The following SPOCK3 variants were observed in gnomAD, a reference collection of about 807,000 sequenced individuals.
SPOCK3 encodes SPARC (osteonectin), cwcv and kazal like domains proteoglycan 3.
A neutral mutation model predicts 56.6 loss-of-function variants in SPOCK3; 30 were observed. That is an observed-to-expected ratio of 0.53 (90% CI 0.40 to 0.72). SPOCK3 has a LOEUF of 0.72. Among genes scored for constraint, SPOCK3 ranks in the 30% least tolerant of loss-of-function variants. SPOCK3 has a pLI of 0.00. For synonymous variants in SPOCK3, 196 were observed against 183.3 expected (o/e 1.07, Z -0.56); for missense variants, 527 against 530.0 (o/e 0.99, Z 0.06).
In SPOCK3 at chr4:166,974,219, T is replaced by A. The variant is rs547419624; in HGVS notation, c.350+26130A>T. 4.6e-5 allele frequency among the ~76,000 whole-genome samples: 7 copies of A among 152,264 alleles called. No homozygotes were observed. In the East Asian group the frequency reaches 9.7e-4, roughly 21 times the overall value. ...TGAATAGCATATTATTTTTACCTCA[T>A]CATGCAAAATCCTCTGACAGTAATA... is the stretch of plus-strand genomic sequence containing the variant. On this transcript the variant is annotated intron_variant, in intron 4 of 10. Coordinates refer to ENST00000357545, the MANE Select transcript of SPOCK3 (RefSeq NM_001040159.2).
intron 2 of SPOCK3, among the ~76,000 whole-genome samples, chr4:167,166,349 G>C (rs1230176342): frequency 6.6e-6 from 1 of 151,988 alleles, no homozygotes; most frequent in Non-Finnish European, 1.5e-5. Flanking sequence ...CTTTTCAACT[G>C]TACCTCAAGG....
At chr4:166,791,449 T>A (rs1045903231) in intron 7 of SPOCK3, among the ~76,000 whole-genome samples, 2 of 152,176 alleles carry the variant, frequency 1.3e-5, no homozygotes, top group Non-Finnish European at 2.9e-5. Context: ...CCTTTTCTTG[T>A]GTTTTGGAGC....
intron 2 of SPOCK3, among the ~76,000 whole-genome samples, chr4:167,107,412 A>G (rs995355947): frequency 2.6e-5 from 4 of 151,934 alleles, no homozygotes; most frequent in Non-Finnish European, 5.9e-5. Flanking sequence ...GATCATTTCA[A>G]TTGTTGCCAA....
At chr4:166,991,587 C>G (rs1320165829) in intron 4 of SPOCK3, among the ~76,000 whole-genome samples, 1 of 151,982 alleles carries the variant, frequency 6.6e-6, no homozygotes, top group East Asian at 1.9e-4. Context: ...CCAGGCTCAT[C>G]TCACACTCAT....
intron 2 of SPOCK3, among the ~76,000 whole-genome samples, chr4:167,072,221 C>T (rs116117543): frequency 0.012 from 1,847 of 152,156 alleles, 21 homozygotes; most frequent in Non-Finnish European, 0.018. Flanking sequence ...AGAAGTATAG[C>T]CCCAAAGCCT....
intron 9 of SPOCK3, among the ~76,000 whole-genome samples, chr4:166,738,321 C>T (rs959929675): frequency 6.6e-6 from 1 of 151,862 alleles, no homozygotes; most frequent in African/African-American, 2.4e-5. Flanking sequence ...TATTTAGGTT[C>T]TCTTCATTTT....
intron 2 of SPOCK3, among the ~76,000 whole-genome samples, chr4:167,165,083 A>G (rs2150450444): frequency 6.6e-6 from 1 of 152,266 alleles, no homozygotes; most frequent in Non-Finnish European, 1.5e-5. Flanking sequence ...ATATTTCTCC[A>G]CAAATTCGCC....
At chr4:166,781,902 C>T (rs1252264961) in intron 7 of SPOCK3, among the ~76,000 whole-genome samples, 1 of 152,026 alleles carries the variant, frequency 6.6e-6, no homozygotes, top group African/African-American at 2.4e-5. Context: ...ACACAAAGCT[C>T]TCAACCCAGT....
chr4:166,921,563 G>A (rs944856716), intron 4 of SPOCK3, among the ~76,000 whole-genome samples: 4 of 152,072 alleles, frequency 2.6e-5, no homozygotes, highest in Non-Finnish European at 4.4e-5. Flanking sequence ...TGATCCGCCC[G>A]CCTTGGCCTC....
intron 2 of SPOCK3, among the ~76,000 whole-genome samples, chr4:167,178,842 G>C (rs1233926615): frequency 6.6e-6 from 1 of 151,700 alleles, no homozygotes; most frequent in Non-Finnish European, 1.5e-5. Context: ...TAAAATACAT[G>C]GTATTATAAA....
chr4:167,146,999 T>C (rs936624863), intron 2 of SPOCK3, among the ~76,000 whole-genome samples: 2 of 151,848 alleles, frequency 1.3e-5, no homozygotes, highest in Non-Finnish European at 2.9e-5. Context: ...GAAAAACCCT[T>C]CAAAAAATCA....
intron 6 of SPOCK3, among the ~76,000 whole-genome samples, chr4:166,818,806 C>T (rs1262520363): frequency 6.6e-6 from 1 of 151,994 alleles, no homozygotes; most frequent in African/African-American, 2.4e-5. Context: ...AGATAAGACT[C>T]TTAAAATGCT....
At chr4:166,895,202 A>T (rs1735243415) in intron 5 of SPOCK3, among the ~76,000 whole-genome samples, 1 of 152,084 alleles carries the variant, frequency 6.6e-6, no homozygotes, top group Admixed American at 6.6e-5. Flanking sequence ...ATGATTAATA[A>T]AATCATTTTT....
intron 8 of SPOCK3, among the ~76,000 whole-genome samples, chr4:166,748,073 T>C (rs1334752210): frequency 4.6e-5 from 7 of 151,998 alleles, no homozygotes; most frequent in East Asian, 1.9e-4. Context: ...AGGTAATTTA[T>C]AGATTCAATG....
At chr4:167,024,050 C>A (rs1035574207) in intron 3 of SPOCK3, among the ~76,000 whole-genome samples, 1 of 152,022 alleles carries the variant, frequency 6.6e-6, no homozygotes, top group African/African-American at 2.4e-5. Context: ...CGGTGAATCT[C>A]TCTCCCGTGG....
In SPOCK3 at chr4:166,970,735, G is replaced by GA. The variant is rs11309205; in HGVS notation, c.350+29613dup. On this transcript the variant is annotated intron_variant, in intron 4 of 10. Transcript: ENST00000357545. Reference sequence around the variant, plus strand: ...GCAAGACACCGTCAAAAAAGAAAAAGAAAAAAAAAAAACAGAGTAACACAG... The same window carrying GA: ...GCAAGACACCGTCAAAAAAGAAAAAGAAAAAAAAAAAAACAGAGTAACACAG... Among the ~76,000 whole-genome samples, 251 of 137,370 alleles carry GA rather than the reference G, an allele frequency of 1.8e-3. No individual in the cohort carries two copies. In the East Asian group the frequency reaches 0.018, roughly 10 times the overall value. The allele number at this position is 137,370 out of a possible 152,430, so 90.1% of individuals were successfully genotyped here.
At chr4:167,168,239 T>C (rs771658215) in intron 2 of SPOCK3, among the ~76,000 whole-genome samples, 1 of 152,112 alleles carries the variant, frequency 6.6e-6, no homozygotes, top group African/African-American at 2.4e-5. Context: ...GCTGTAAATA[T>C]ACCCAAAAAT....
In SPOCK3 at chr4:166,748,876, C is replaced by A. The variant is rs1735998325; in HGVS notation, c.931+5632G>T. Among the ~76,000 whole-genome samples the A allele has an allele frequency of 1.5e-5, 2 of 137,420 alleles. 1 individual carries two copies. The highest frequency in any genetic ancestry group is 6.2e-5 in the African/African-American group (2 of 32,348). The allele number at this position is 137,420 out of a possible 152,430, so 90.2% of individuals were successfully genotyped here. ...CGAAGTCATTTATGCCACCAACAGA[C>A]ACAGAAAAAATGCTCATCATCACTG... On this transcript the variant is annotated intron_variant, in intron 8 of 10. Coordinates refer to ENST00000357545, the MANE Select transcript of SPOCK3 (RefSeq NM_001040159.2).
At chr4:167,116,474 G>GTA (rs1187680700) in intron 2 of SPOCK3, among the ~76,000 whole-genome samples, 2 of 70,858 alleles carry the variant, frequency 2.8e-5, no homozygotes, top group South Asian at 6.1e-4. Flanking sequence ...ACACACTTTT[G>GTA]TATATATATA....
Sources: allele counts gnomAD v4.1 joint callset (sites outside exome capture counted in the v4.1 genomes callset), GRCh38; gene constraint gnomAD v4.1.1; transcripts MANE v1.5; gene names NCBI Gene and HGNC (gene_info 2026-07-23, HGNC 2026-07-21).